Variants in MAP3K14 observed in about 807,000 individuals in gnomAD.
MAP3K14 encodes the protein NF-kappa-beta-inducing kinase.
A neutral mutation model predicts 99.2 loss-of-function variants in MAP3K14; 16 were observed. That is an observed-to-expected ratio of 0.16 (90% confidence interval 0.11 to 0.24). The LOEUF is 0.24. Ranked by LOEUF, MAP3K14 falls within the 10% of genes least tolerant of loss-of-function variation. The pLI, the probability that MAP3K14 is intolerant of heterozygous loss-of-function variation, is 1.00. For synonymous variants in MAP3K14, 462 were observed against 492.4 expected (o/e 0.94, Z 0.82); for missense variants, 784 against 1,208.7 (o/e 0.65, Z 5.21).
chr17:45,282,039 T>G (rs948098376), intron 6 of MAP3K14: 1 of 152,230 alleles, frequency 6.6e-6, no homozygotes, highest in Non-Finnish European at 1.5e-5. Context: ...CCAGTCCTAT[T>G]CTCAGAGGTA....
At position 45,274,150 on chromosome 17, in the gene MAP3K14, G is replaced by A; in HGVS notation, c.1525C>T (p.Arg509Ter). 3 of 1,607,736 alleles carry A rather than the reference G, an allele frequency of 1.9e-6. No individual in the cohort carries two copies. Among genetic ancestry groups the A allele is most frequent in the African/African-American group, 1.3e-5 (1 of 74,954 alleles). Residue 509 changes from arginine (R) to a stop codon, truncating the protein, a stop_gained, in exon 8 of 16, where the codon CGA becomes TGA. Transcript: ENST00000344686. LOFTEE classifies it high-confidence loss of function. ...ALEGLEYLHS[R>*]RILHGDVKAD... ...TTGACGTCCCCATGCAGAATCCTTC[G>A]TGAGTGGAGGTATTCCAGACCCTCC...
intron 1 of MAP3K14, among the ~76,000 whole-genome samples, chr17:45,291,750 A>G (rs1432844716): frequency 2.0e-5 from 3 of 152,376 alleles, no homozygotes; most frequent in Non-Finnish European, 4.4e-5. Flanking sequence ...GGCCCCTCTC[A>G]GGCATGACTT....
chr17:45,270,831 T>G, intron 10 of MAP3K14: 1 of 769,158 alleles, frequency 1.3e-6, no homozygotes. Context: ...GCCCAGGGTA[T>G]GGACAGAAGA....
At chr17:45,310,682 T>G (rs1031226905) in intron 1 of MAP3K14, among the ~76,000 whole-genome samples, 3 of 152,162 alleles carry the variant, frequency 2.0e-5, no homozygotes, top group African/African-American at 7.2e-5. Flanking sequence ...CTTCGTGCAC[T>G]GTGGGTTTGG....
intron 2 of MAP3K14, among the ~76,000 whole-genome samples, 190 bp from the exon 3 acceptor site, chr17:45,289,495 T>A (rs982337050): frequency 6.6e-6 from 1 of 152,144 alleles, no homozygotes; most frequent in Non-Finnish European, 1.5e-5. Context: ...CTCAGCTTAC[T>A]GGTCAAGAGC....
intron 2 of MAP3K14, 86 bp downstream of exon 2, chr17:45,290,404 C>T (rs1268336992): frequency 1.3e-6 from 2 of 1,517,318 alleles, no homozygotes; most frequent in Non-Finnish European, 1.8e-6. Flanking sequence ...ACAGACCTCT[C>T]TCCTCCATAG....
At position 45,286,829 on chromosome 17, in the gene MAP3K14, G is replaced by T. The variant is rs755880702; in HGVS notation, c.754C>A (p.Pro252Thr). 2.5e-6 allele frequency: 4 copies of T among 1,613,778 alleles called. No individual in the cohort carries two copies. The South Asian group carries it at 4.4e-5, about 18-fold the overall frequency. ...LHHPQDGGPL[P>T]LPTHPFPYSR... ...TAGGGGAAGGGGTGCGTGGGCAGGG[G>T]CAGGGGGCCTCCGTCCTGGGGGTGG... The change falls in exon 5 of 16, where the codon CCC (proline) becomes ACC (threonine). Residue 252 changes from proline to threonine, a missense_variant. By Grantham distance (38) the Pro-to-Thr change is conservative (BLOSUM62 -1). Coordinates refer to ENST00000344686, the MANE Select transcript of MAP3K14 (RefSeq NM_003954.5). The surrounding 1 kb of genome is among the most constrained non-coding windows in gnomAD (Gnocchi z 4.1).
chr17:45,299,045 C>T (rs1425174612), intron 1 of MAP3K14, among the ~76,000 whole-genome samples: 1 of 152,204 alleles, frequency 6.6e-6, no homozygotes, highest in African/African-American at 2.4e-5. Context: ...CAGCAATCAC[C>T]AGCAGCTTGA....
chr17:45,266,626 G>T lies in MAP3K14; in HGVS notation c.2489C>A (p.Ser830Tyr), dbSNP rs542346812. Residue 830 changes from serine to tyrosine, a missense_variant, in exon 14 of 16, where the codon TCC becomes TAC. By Grantham distance (144) the Ser-to-Tyr change is moderately radical. Around this residue, in one of 5 missense-constraint regions of MAP3K14, gnomAD observed 130 missense variants for 220.4 expected, o/e 0.59. Transcript: ENST00000344686. ...TCGAGCCTCGGCCTGGCTGCTCCAG[G>T]AGTGTACGCCTGAGCTCAGGGTGTC... ...SRDTLSSGVH[S>Y]WSSQAEARSS... 6.2e-7 allele frequency: 1 copy of T among 1,613,802 alleles called. No homozygotes were observed. The highest frequency in any genetic ancestry group is 2.2e-5 in the East Asian group (1 of 44,860).
At chr17:45,279,472 G>A (rs543888358) in intron 6 of MAP3K14, among the ~76,000 whole-genome samples, 3 of 149,846 alleles carry the variant, frequency 2.0e-5, no homozygotes, top group South Asian at 2.1e-4. Flanking sequence ...TCATTCTGTC[G>A]CCCAGGCTGG....
chr17:45,289,351 A>G (rs1307973902), intron 2 of MAP3K14, 46 bp from the exon 3 acceptor site: 1 of 1,496,634 alleles, frequency 6.7e-7, no homozygotes, highest in Non-Finnish European at 9.3e-7. Context: ...AAAAATAGGA[A>G]TTTAGCACTT....
In MAP3K14 at chr17:45,275,366, G is replaced by A. The variant is rs2044171240; in HGVS notation, c.1291-773C>T. On this transcript the variant is annotated intron_variant, in intron 6 of 15. Coordinates refer to ENST00000344686, the MANE Select transcript of MAP3K14 (RefSeq NM_003954.5). Reference sequence around the variant, plus strand: ...GGCTGTAATCCCAGCTACTTGGGAGGCTGAGGCAGGAGAATCACTTGAACC... The same window carrying A: ...GGCTGTAATCCCAGCTACTTGGGAGACTGAGGCAGGAGAATCACTTGAACC... 2.0e-5 allele frequency among the ~76,000 whole-genome samples: 3 copies of A among 151,938 alleles called. No homozygotes were observed. The South Asian group carries it at 6.2e-4, about 32-fold the overall frequency.
At chr17:45,271,448 A>G (rs1316284767) in intron 9 of MAP3K14, among the ~76,000 whole-genome samples, 2 of 152,064 alleles carry the variant, frequency 1.3e-5, no homozygotes, top group Non-Finnish European at 2.9e-5. Context: ...CGGGTTCAAG[A>G]GATTCTCCTG....
At chr17:45,279,642 C>G (rs2044205511) in intron 6 of MAP3K14, among the ~76,000 whole-genome samples, 1 of 151,698 alleles carries the variant, frequency 6.6e-6, no homozygotes, top group East Asian at 1.9e-4. Context: ...CCAGGATGGT[C>G]TCGCTCTCCT....
In MAP3K14 at chr17:45,271,060, T is replaced by G; in HGVS notation, c.1819A>C (p.Lys607Gln). 1 of 1,612,424 alleles carries G rather than the reference T, an allele frequency of 6.2e-7. No individual in the cohort carries two copies. The highest frequency in any genetic ancestry group is 8.5e-7 in the Non-Finnish European group (1 of 1,179,642). ...TQFFRGPLCL[K>Q]IASEPPPVRE... The stretch of plus-strand genomic sequence containing the variant: ...CCATGCTGGGTGCCGTCACCGACCT[T>G]GAGGCAGAGCGGCCCTCGGAAGAAC... Residue 607 changes from lysine to glutamine, a missense_variant and splice_region_variant, in exon 10 of 16, where the codon AAG becomes CAG. Around this residue, in one of 5 missense-constraint regions of MAP3K14, gnomAD observed 200 missense variants for 367.9 expected, o/e 0.54. Transcript: ENST00000344686.
chr17:45,306,230 A>G (rs1476532), intron 1 of MAP3K14, among the ~76,000 whole-genome samples: 76,884 of 151,860 alleles, frequency 0.51, 19,924 homozygotes, highest in East Asian at 0.73. Flanking sequence ...CCAAGGCCAC[A>G]CAGCAGTGAA....
At chr17:45,299,606 C>T (rs968275239) in intron 1 of MAP3K14, among the ~76,000 whole-genome samples, 1 of 152,148 alleles carries the variant, frequency 6.6e-6, no homozygotes, top group Admixed American at 6.5e-5. Flanking sequence ...TGCACTCAGG[C>T]ACTGTGAGTG....
chr17:45,298,730 T>C (rs1325911965), intron 1 of MAP3K14, among the ~76,000 whole-genome samples: 1 of 152,200 alleles, frequency 6.6e-6, no homozygotes, highest in East Asian at 1.9e-4. Flanking sequence ...CTAGGTCTGC[T>C]GGGTGTTGGG....
At chr17:45,284,089 C>T (rs901916652) in intron 6 of MAP3K14, among the ~76,000 whole-genome samples, 19 of 152,334 alleles carry the variant, frequency 1.2e-4, no homozygotes, top group African/African-American at 4.6e-4. Flanking sequence ...CTCTGCTCTC[C>T]ACTTCTAACA....
Sources: allele counts gnomAD v4.1 joint callset (sites outside exome capture counted in the v4.1 genomes callset), GRCh38; gene constraint gnomAD v4.1.1; regional missense constraint gnomAD v4.1.1; non-coding constraint Gnocchi (gnomAD v3.1); transcripts MANE v1.5; gene names NCBI Gene and HGNC (gene_info 2026-07-23, HGNC 2026-07-21).